Variants in CDH13 observed in about 807,000 individuals in gnomAD.
CDH13 encodes the protein cadherin 13, also known as cadherin-13.
A neutral mutation model predicts 63.8 loss-of-function variants in CDH13; 24 were observed. The observed-to-expected ratio is 0.38, with a 90% CI of 0.27 to 0.53. CDH13 has a LOEUF of 0.53. Ranked by LOEUF, CDH13 falls within the 20% of genes least tolerant of loss-of-function variation. CDH13 has a pLI of 0.85. For synonymous variants in CDH13, 503 were observed against 355.3 expected (o/e 1.42, Z -4.67); for missense variants, 1,049 against 903.1 (o/e 1.16, Z -2.07).
At chr16:83,559,095 T>G (rs4238695) in intron 7 of CDH13, among the ~76,000 whole-genome samples, 147,298 of 152,284 alleles carry the variant, frequency 0.97, 71,341 homozygotes, top group Non-Finnish European at 0.99. Flanking sequence ...GCTATCATGT[T>G]AAGATCCACT....
chr16:83,060,161 T>G (rs1041439713), intron 3 of CDH13, among the ~76,000 whole-genome samples: 6 of 152,142 alleles, frequency 3.9e-5, no homozygotes, highest in Non-Finnish European at 7.3e-5. Flanking sequence ...AAAAGCTGAT[T>G]TTCTGTTTTA....
intron 2 of CDH13, among the ~76,000 whole-genome samples, chr16:82,898,697 G>C (rs1032360329): frequency 6.6e-6 from 1 of 152,162 alleles, no homozygotes. Context: ...GCCTTGATGA[G>C]AGCACTAGAT....
chr16:83,729,159 A>G (rs1256342668), intron 10 of CDH13, among the ~76,000 whole-genome samples: 1 of 152,180 alleles, frequency 6.6e-6, no homozygotes, highest in Non-Finnish European at 1.5e-5. Flanking sequence ...TTCTATCAAC[A>G]TCCGAATTTG....
At chr16:82,815,841 G>A (rs564609761) in intron 1 of CDH13, among the ~76,000 whole-genome samples, 33 of 152,114 alleles carry the variant, frequency 2.2e-4, no homozygotes, top group African/African-American at 3.6e-4. Flanking sequence ...GATAGTTCAC[G>A]GATGCTTTTA....
At chr16:83,633,614 G>A (rs921739425) in intron 8 of CDH13, among the ~76,000 whole-genome samples, 10 of 152,138 alleles carry the variant, frequency 6.6e-5, no homozygotes, top group Middle Eastern at 3.4e-3. Flanking sequence ...GATCTTACTC[G>A]GAGAGAAAAT....
chr16:82,972,142 CTGAT>C (rs1355319872), intron 2 of CDH13, among the ~76,000 whole-genome samples: 1 of 152,168 alleles, frequency 6.6e-6, no homozygotes, highest in African/African-American at 2.4e-5. Context: ...TTTGGGGACA[CTGAT>C]TAGGCACAGA....
At chr16:83,268,087 C>T (rs756016750) in intron 5 of CDH13, among the ~76,000 whole-genome samples, 3 of 152,152 alleles carry the variant, frequency 2.0e-5, no homozygotes, top group African/African-American at 7.2e-5. Context: ...GATACACCTG[C>T]CCCTATGTGC....
chr16:83,581,818 C>CAATA lies in CDH13; in HGVS notation c.961-20618_961-20615dup, dbSNP rs533300334. Among the ~76,000 whole-genome samples the CAATA allele has an allele frequency of 9.2e-3, 1,398 of 152,144 alleles. 23 individuals are homozygous for CAATA. The highest frequency in any genetic ancestry group is 0.031 in the Middle Eastern group (9 of 294). On this transcript the variant is annotated intron_variant, in intron 7 of 13. Coordinates refer to ENST00000567109, the MANE Select transcript of CDH13 (RefSeq NM_001257.5). ...TGGGTAACAGAGCAAGACCCTGTCT[C>CAATA]AATAAATAAATAAATAAATAATAAA...
At chr16:83,780,469 C>G (rs1186248419) in intron 12 of CDH13, among the ~76,000 whole-genome samples, 1 of 152,196 alleles carries the variant, frequency 6.6e-6, no homozygotes, top group Non-Finnish European at 1.5e-5. Flanking sequence ...TATATCCTAA[C>G]CTGTCTGCTA....
At chr16:83,352,564 A>G (rs1278232345) in intron 6 of CDH13, among the ~76,000 whole-genome samples, 1 of 152,176 alleles carries the variant, frequency 6.6e-6, no homozygotes, top group East Asian at 1.9e-4. Flanking sequence ...ACATACATAC[A>G]CACACACAAT....
At chr16:82,723,551 C>A (rs897986394) in intron 1 of CDH13, among the ~76,000 whole-genome samples, 1 of 152,072 alleles carries the variant, frequency 6.6e-6, no homozygotes, top group African/African-American at 2.4e-5. Context: ...CTGTCTGCCA[C>A]CTGGAAGAAG....
chr16:83,171,448 A>G (rs2037911865), intron 4 of CDH13: 2 of 1,263,300 alleles, frequency 1.6e-6, no homozygotes. Context: ...GATCCAAACC[A>G]TATCAAAAGC....
chr16:83,622,790 A>G (rs541371272), intron 8 of CDH13, among the ~76,000 whole-genome samples: 1 of 152,328 alleles, frequency 6.6e-6, no homozygotes, highest in Admixed American at 6.5e-5. Flanking sequence ...GTCTCTGTGA[A>G]TTTGATATAC....
At chr16:82,977,779 G>A (rs1365488047) in intron 2 of CDH13, among the ~76,000 whole-genome samples, 1 of 152,210 alleles carries the variant, frequency 6.6e-6, no homozygotes, top group Non-Finnish European at 1.5e-5. Flanking sequence ...TTGGAACTGG[G>A]TAACAGGCAG....
At chr16:83,429,209 G>T (rs2072012556) in intron 6 of CDH13, among the ~76,000 whole-genome samples, 1 of 152,176 alleles carries the variant, frequency 6.6e-6, no homozygotes, top group South Asian at 2.1e-4. Flanking sequence ...AGGTCCTTTT[G>T]TGTGTTGTGA....
chr16:83,584,351 G>A (rs745984451), intron 7 of CDH13, among the ~76,000 whole-genome samples: 1 of 152,138 alleles, frequency 6.6e-6, no homozygotes, highest in African/African-American at 2.4e-5. Flanking sequence ...AAAATGCATG[G>A]TTTTTGCTTC....
In CDH13 at chr16:83,583,049, G is replaced by A. The variant is rs188759196; in HGVS notation, c.961-19405G>A. ...GTGTTGGTAGGCCTTGCTGTCTCTC[G>A]TGGTCCCAGGGAGGATCCCATCTGC... On this transcript the variant is annotated intron_variant, in intron 7 of 13. Transcript: ENST00000567109. Among the ~76,000 whole-genome samples the A allele has an allele frequency of 3.9e-5, 6 of 152,244 alleles. No individual in the cohort carries two copies. In the South Asian group the frequency reaches 6.2e-4, roughly 16 times the overall value.
chr16:83,411,934 A>G (rs540602145), intron 6 of CDH13, among the ~76,000 whole-genome samples: 1 of 152,352 alleles, frequency 6.6e-6, no homozygotes, highest in East Asian at 1.9e-4. Context: ...TGATAAGCGC[A>G]TAAGGAGCAA....
intron 13 of CDH13, 154 bp downstream of exon 13, chr16:83,783,626 A>G (rs1345824277): frequency 8.3e-6 from 6 of 721,886 alleles, no homozygotes; most frequent in Non-Finnish European, 2.5e-6. Flanking sequence ...AACATGTTAT[A>G]TGTAAAAGTG....
Sources: gnomAD v4.1 joint callset for allele counts (sites outside exome capture counted in the v4.1 genomes callset) on GRCh38, gnomAD v4.1.1 for gene constraint, MANE v1.5 for transcripts, NCBI Gene and HGNC (gene_info 2026-07-23, HGNC 2026-07-21) for gene names.